Variants in FOXK2 observed in about 807,000 individuals in gnomAD.
FOXK2 encodes the protein forkhead box K2.
FOXK2 carries 24 observed loss-of-function variants against 53.3 expected under a neutral mutation model. The ratio of observed to expected loss-of-function variants is 0.45; its 90% CI spans 0.33 to 0.63. FOXK2 has a LOEUF of 0.63. Ranked by LOEUF, FOXK2 falls within the 30% of genes least tolerant of loss-of-function variation. FOXK2 has a pLI of 0.03. For missense variants in FOXK2, 952 were observed against 910.5 expected (o/e 1.05, Z -0.59); for synonymous variants, 505 against 407.1 (o/e 1.24, Z -2.89).
intron 8 of FOXK2, among the ~76,000 whole-genome samples, chr17:82,598,223 C>T (rs797008880): frequency 2.4e-4 from 36 of 151,684 alleles, no homozygotes; most frequent in African/African-American, 8.2e-4. Context: ...AAAAATTATT[C>T]CTCCTGTCTG....
Position 82,601,884 on chromosome 17 carries a change from A to G in FOXK2, c.*385A>G. On this transcript the variant is annotated 3_prime_UTR_variant, in exon 9 of 9. Transcript: ENST00000335255. ...GAGCCATCCCCGCCGCCCTCACAGG[A>G]CCCACCAGGCAGCGGAGACATGTGG... 1 of 185,490 alleles carries G rather than the reference A, an allele frequency of 5.4e-6. No homozygotes were observed. Among genetic ancestry groups the G allele is most frequent in the Non-Finnish European group, 1.1e-5 (1 of 88,042 alleles). 11.5% of individuals were successfully genotyped at this position (185,490 alleles called of 1,614,324 possible). A position where few individuals can be genotyped will look rare whatever the true frequency, so the allele number is the denominator to read the frequency against.
chr17:82,579,921 C>T (rs34644642), intron 4 of FOXK2, among the ~76,000 whole-genome samples: 3 of 130,396 alleles, frequency 2.3e-5, no homozygotes, highest in South Asian at 2.7e-4. Flanking sequence ...GCCCAGATCC[C>T]TCCCACACAT....
In FOXK2 at chr17:82,552,666, G is replaced by A. The variant is rs78535052; in HGVS notation, c.420-10688G>A. 9.3e-4 allele frequency among the ~76,000 whole-genome samples: 141 copies of A among 152,276 alleles called. 3 individuals carry two copies. The East Asian group carries it at 0.023, about 24-fold the overall frequency. On this transcript the variant is annotated intron_variant, in intron 1 of 8. Coordinates refer to ENST00000335255, the MANE Select transcript of FOXK2 (RefSeq NM_004514.4). Reference sequence around the variant, plus strand: ...GATCTAGGTTAGTTACCTTTGGCAGGAACTCTAGAGGTGAAGTTGTGTCCT... The same window carrying A: ...GATCTAGGTTAGTTACCTTTGGCAGAAACTCTAGAGGTGAAGTTGTGTCCT...
At chr17:82,555,367 A>G (rs927340934) in intron 1 of FOXK2, among the ~76,000 whole-genome samples, 1 of 152,114 alleles carries the variant, frequency 6.6e-6, no homozygotes, top group Admixed American at 6.6e-5. Flanking sequence ...GTTCTGTTGT[A>G]ATATTTTGCG....
At chr17:82,582,453 CG>C (rs2045075227) in intron 4 of FOXK2, among the ~76,000 whole-genome samples, 1 of 152,184 alleles carries the variant, frequency 6.6e-6, no homozygotes, top group African/African-American at 2.4e-5. Context: ...CTCACCCAGG[CG>C]GGAGGGCTGC....
chr17:82,525,303 A>G (rs1175146929), intron 1 of FOXK2, among the ~76,000 whole-genome samples: 1 of 151,964 alleles, frequency 6.6e-6, no homozygotes, highest in African/African-American at 2.4e-5. Flanking sequence ...CAGCCTCCCA[A>G]GTAGCTGGGA....
chr17:82,577,658 T>C (rs1244698693), intron 4 of FOXK2, among the ~76,000 whole-genome samples: 2 of 152,160 alleles, frequency 1.3e-5, no homozygotes, highest in Non-Finnish European at 2.9e-5. Flanking sequence ...TTGAGATAAT[T>C]GTTGTGACTA....
At chr17:82,559,657 C>A (rs932745307) in intron 1 of FOXK2, among the ~76,000 whole-genome samples, 6 of 151,734 alleles carry the variant, frequency 4.0e-5, no homozygotes, top group Non-Finnish European at 8.8e-5. Context: ...CAGCTGTACA[C>A]ACACACCACC....
Position 82,546,762 on chromosome 17 carries a change from C to T in FOXK2, c.420-16592C>T, listed in dbSNP as rs144174269. ...GATAATAGGTGTAAGCCACTGAGCC[C>T]AACCTAAAACTCGCTTTTAAATAAA... On this transcript the variant is annotated intron_variant, in intron 1 of 8. Transcript: ENST00000335255. Among the ~76,000 whole-genome samples the T allele has an allele frequency of 4.1e-3, 630 of 152,068 alleles. 3 individuals carry two copies. Among genetic ancestry groups the T allele is most frequent in the African/African-American group, 0.015 (616 of 41,480 alleles).
chr17:82,582,866 G>A lies in FOXK2; in HGVS notation c.1035G>A (p.Gln345=). The change falls in exon 5 of 9, where the codon CAG becomes CAA. Residue 345 remains glutamine (Q), a synonymous_variant. Coordinates refer to ENST00000335255, the MANE Select transcript of FOXK2 (RefSeq NM_004514.4). ...DPASESKLIE[Q]AFRKRRPRGV... ...CCTCTGAAAGCAAATTAATAGAACA[G>A]GCTTTTAGGAAACGACGGCCTAGGG... 6.2e-7 allele frequency: 1 copy of A among 1,613,456 alleles called. No individual in the cohort carries two copies. Among genetic ancestry groups the A allele is most frequent in the Non-Finnish European group, 8.5e-7 (1 of 1,179,918 alleles).
chr17:82,534,304 A>G (rs1298594001), intron 1 of FOXK2, among the ~76,000 whole-genome samples: 1 of 152,228 alleles, frequency 6.6e-6, no homozygotes, highest in Admixed American at 6.5e-5. Flanking sequence ...GCCTGGCTGC[A>G]CATGGACAAA....
intron 1 of FOXK2, among the ~76,000 whole-genome samples, chr17:82,550,709 G>A (rs1211647733): frequency 1.3e-5 from 2 of 151,938 alleles, no homozygotes; most frequent in Admixed American, 1.3e-4. Flanking sequence ...GTTTCACCAT[G>A]TTAGCCAGGA....
intron 8 of FOXK2, among the ~76,000 whole-genome samples, chr17:82,598,171 A>C (rs186554767): frequency 2.0e-5 from 3 of 152,318 alleles, no homozygotes; most frequent in African/African-American, 7.2e-5. Context: ...CACTAAACTT[A>C]TTCCTTCTGT....
Position 82,571,793 on chromosome 17 carries a change from C to G in FOXK2, c.832C>G (p.Gln278Glu). The G allele has an allele frequency of 6.2e-7, 1 of 1,603,346 alleles. No individual in the cohort carries two copies. The highest frequency in any genetic ancestry group is 8.5e-7 in the Non-Finnish European group (1 of 1,176,024). ...GGCGATTACGATGGCTCCCGACAAA[C>G]AGCTCACCCTGAACGGGATTTATAC... ...VQAITMAPDKQLTLNGIYTHI... is the reference protein window; with the variant it reads ...VQAITMAPDKELTLNGIYTHI... The change falls in exon 4 of 9, where the codon CAG (glutamine) becomes GAG (glutamate). Residue 278 changes from glutamine to glutamate, a missense_variant. Gln to Glu is a conservative substitution (Grantham distance 29, BLOSUM62 2). Transcript: ENST00000335255.
At chr17:82,564,568 G>A (rs977608158) in intron 2 of FOXK2, among the ~76,000 whole-genome samples, 1 of 151,728 alleles carries the variant, frequency 6.6e-6, no homozygotes, top group South Asian at 2.1e-4. Flanking sequence ...AAATGAAAGG[G>A]CAGACAGTGG....
chr17:82,529,750 C>T (rs548076119), intron 1 of FOXK2, among the ~76,000 whole-genome samples: 58 of 152,258 alleles, frequency 3.8e-4, no homozygotes, highest in African/African-American at 1.2e-3. Context: ...CTAGATAACT[C>T]CTCCCTTTGC....
intron 1 of FOXK2, among the ~76,000 whole-genome samples, chr17:82,544,045 G>A (rs2044599095): frequency 2.0e-5 from 3 of 152,040 alleles, no homozygotes; most frequent in South Asian, 2.1e-4. Flanking sequence ...CAAAGTGCTC[G>A]GATTACAGGC....
chr17:82,596,120 G>C (rs2143169812), intron 8 of FOXK2: 1 of 679,274 alleles, frequency 1.5e-6, no homozygotes, highest in Non-Finnish European at 1.8e-6. Flanking sequence ...TGCGGCCACA[G>C]ACTGCGACCG....
At chr17:82,597,942 G>A (rs898091294) in intron 8 of FOXK2, among the ~76,000 whole-genome samples, 4 of 152,054 alleles carry the variant, frequency 2.6e-5, no homozygotes, top group Non-Finnish European at 4.4e-5. Context: ...GAGCCACCGC[G>A]CCCGGCCTCC....
Sources: allele counts gnomAD v4.1 joint callset (sites outside exome capture counted in the v4.1 genomes callset), GRCh38; gene constraint gnomAD v4.1.1; transcripts MANE v1.5; gene names NCBI Gene and HGNC (gene_info 2026-07-23, HGNC 2026-07-21).